The following GNG4 variants were observed in gnomAD, a reference collection of about 807,000 sequenced individuals.
GNG4 encodes the protein guanine nucleotide-binding protein G(I)/G(S)/G(O) subunit gamma-4.
GNG4 carries 4 observed loss-of-function variants against 5.8 expected under a neutral mutation model. The observed-to-expected ratio is 0.69, with a 90% CI of 0.34 to 1.57. GNG4 has a LOEUF of 1.57. Among genes scored for constraint, GNG4 ranks in the 40% most tolerant of loss-of-function variants. The probability of loss-of-function intolerance (pLI) is 0.06; values close to 1 mark genes in which losing one functional copy is unlikely to be tolerated. For synonymous variants in GNG4, 29 were observed against 32.9 expected (o/e 0.88, Z 0.41); for missense variants, 96 against 95.1 (o/e 1.01, Z -0.04).
chr1:235,637,195 G>A (rs1432687609), intron 1 of GNG4, among the ~76,000 whole-genome samples: 10 of 152,150 alleles, frequency 6.6e-5, no homozygotes, highest in Admixed American at 2.6e-4. Context: ...AGCACAGCCT[G>A]CAAAATACTT....
intron 3 of GNG4, among the ~76,000 whole-genome samples, chr1:235,561,256 A>G (rs143478348): frequency 0.019 from 2,852 of 152,010 alleles, 91 homozygotes; most frequent in African/African-American, 0.066. Context: ...TGATCCGCCC[A>G]CCTCGGCCTC....
intron 1 of GNG4, among the ~76,000 whole-genome samples, chr1:235,639,064 C>T (rs1039278969): frequency 2.0e-5 from 3 of 152,208 alleles, no homozygotes; most frequent in Non-Finnish European, 4.4e-5. Flanking sequence ...CCAGCAGCAT[C>T]CCCCACCTTC....
chr1:235,645,672 C>G (rs1252498460), intron 1 of GNG4, among the ~76,000 whole-genome samples: 1 of 151,946 alleles, frequency 6.6e-6, no homozygotes, highest in Non-Finnish European at 1.5e-5. Context: ...TGGCACATGC[C>G]TGTAATCCCA....
At chr1:235,615,436 C>A in intron 1 of GNG4, 1 of 155,098 alleles carries the variant, frequency 6.4e-6, no homozygotes, top group South Asian at 1.8e-4. Context: ...ATGTGACTGT[C>A]ATCTCCCTCT....
chr1:235,594,926 C>G (rs1261032254), intron 2 of GNG4, among the ~76,000 whole-genome samples: 1 of 152,204 alleles, frequency 6.6e-6, no homozygotes, highest in Non-Finnish European at 1.5e-5. Context: ...GTGAGGGTTG[C>G]CAGCACGCTG....
rs114416361 is a variant in GNG4, at chr1:235,606,578, G to A, written c.-122-11067C>T. 3.1e-3 allele frequency among the ~76,000 whole-genome samples: 478 copies of A among 152,178 alleles called. 3 individuals carry two copies. Among genetic ancestry groups the A allele is most frequent in the African/African-American group, 0.011 (451 of 41,502 alleles). On this transcript the variant is annotated intron_variant, in intron 1 of 3. Transcript: ENST00000391854. ...CAGGGAGATGGTGCTGTGCTGTTCC[G>A]CACGCTTAGGAAAAGAGCAAGTGGA... is the stretch of plus-strand genomic sequence containing the variant.
At chr1:235,622,971 C>G (rs1342483115) in intron 1 of GNG4, among the ~76,000 whole-genome samples, 2 of 151,460 alleles carry the variant, frequency 1.3e-5, no homozygotes, top group Non-Finnish European at 2.9e-5. Context: ...ACCCGGGAAG[C>G]AGAGGTTGCA....
In GNG4 at chr1:235,560,205, T is replaced by C. The variant is rs150645207; in HGVS notation, c.100-7968A>G. 8.6e-4 allele frequency among the ~76,000 whole-genome samples: 131 copies of C among 152,306 alleles called. 2 individuals carry two copies. Among genetic ancestry groups the C allele is most frequent in the African/African-American group, 2.6e-3 (108 of 41,572 alleles). ...GTGGCTAAATGGATGCCATCATATA[T>C]TGCCGTGGTTTGAAAGTGCTGTCTC... On this transcript the variant is annotated intron_variant, in intron 3 of 3. Coordinates refer to ENST00000391854, the MANE Select transcript of GNG4 (RefSeq NM_001098722.2).
rs1175806749 is a variant in GNG4, at chr1:235,642,532, G to C, written c.-123+7130C>G. Among the ~76,000 whole-genome samples, 4 of 151,946 alleles carry C rather than the reference G, an allele frequency of 2.6e-5. No individual in the cohort carries two copies. Among genetic ancestry groups the C allele is most frequent in the Non-Finnish European group, 5.9e-5 (4 of 67,980 alleles). ...GGCAGGATGCAACTGCTTCAACGCA[G>C]AAAGAATGAGTCATCCAGGAAGGCG... On this transcript the variant is annotated intron_variant, in intron 1 of 3. Transcript: ENST00000391854. The surrounding 1 kb of genome is among the most constrained non-coding windows in gnomAD (Gnocchi z 4.3).
At chr1:235,588,687 A>C (rs1558487194) in intron 2 of GNG4, among the ~76,000 whole-genome samples, 1 of 150,250 alleles carries the variant, frequency 6.7e-6, no homozygotes, top group South Asian at 2.1e-4. Flanking sequence ...CCTTGCCCCA[A>C]ATCATCTCCC....
chr1:235,609,764 G>A (rs746332239), intron 1 of GNG4, among the ~76,000 whole-genome samples: 2 of 151,932 alleles, frequency 1.3e-5, no homozygotes, highest in African/African-American at 2.4e-5. Context: ...AAAATTAGCC[G>A]GGTGTGGTGG....
chr1:235,646,730 C>G (rs1657520986), intron 1 of GNG4, among the ~76,000 whole-genome samples: 1 of 152,216 alleles, frequency 6.6e-6, no homozygotes, highest in African/African-American at 2.4e-5. Context: ...ACTCTGTCTA[C>G]CAATTTCCAG....
chr1:235,575,020 T>C (rs2102932912), intron 3 of GNG4, among the ~76,000 whole-genome samples: 1 of 152,270 alleles, frequency 6.6e-6, no homozygotes, highest in South Asian at 2.1e-4. Context: ...AGATGGGATT[T>C]CACCACGTTG....
chr1:235,563,253 T>C (rs1230225929), intron 3 of GNG4, among the ~76,000 whole-genome samples: 2 of 151,834 alleles, frequency 1.3e-5, no homozygotes, highest in African/African-American at 4.8e-5. Flanking sequence ...TGAAACCCCA[T>C]CTCTACTAAA....
intron 1 of GNG4, among the ~76,000 whole-genome samples, chr1:235,603,627 G>T (rs1023597453): frequency 6.6e-6 from 1 of 152,150 alleles, no homozygotes; most frequent in Non-Finnish European, 1.5e-5. Flanking sequence ...TTACAGTATG[G>T]GTCTCAATTA....
rs533853180 is a variant in GNG4 at position 235,600,100 on chromosome 1, C to CTTTTTTTTTTTTTT, written c.-122-4603_-122-4590dup. On this transcript the variant is annotated intron_variant, in intron 1 of 3. Coordinates refer to ENST00000391854, the MANE Select transcript of GNG4 (RefSeq NM_001098722.2). ...TCCTTTATCTGGTTGCGGAAGAAAG[C>CTTTTTTTTTTTTTT]TTTTTTTTTTTTTTTTTTTTTTTTT... Among the ~76,000 whole-genome samples, 19 of 43,138 alleles carry CTTTTTTTTTTTTTT rather than the reference C, an allele frequency of 4.4e-4. 5 individuals are homozygous for CTTTTTTTTTTTTTT. The highest frequency in any genetic ancestry group is 6.2e-4 in the Non-Finnish European group (15 of 24,362). 28.3% of individuals were successfully genotyped at this position (43,138 alleles called of 152,430 possible).
At chr1:235,637,148 C>T (rs992799978) in intron 1 of GNG4, among the ~76,000 whole-genome samples, 1 of 151,948 alleles carries the variant, frequency 6.6e-6, no homozygotes, top group Non-Finnish European at 1.5e-5. Flanking sequence ...CTGAAAAATG[C>T]TAATCAAATG....
Position 235,649,351 on chromosome 1 carries a change from C to T in GNG4, c.-123+311G>A, listed in dbSNP as rs1238909988. On this transcript the variant is annotated intron_variant, in intron 1 of 3. Coordinates refer to ENST00000391854, the MANE Select transcript of GNG4 (RefSeq NM_001098722.2). The surrounding 1 kb of genome is among the most constrained non-coding windows in gnomAD (Gnocchi z 5.7). ...AATGGAAGAGGGGACCCCCGAGCCC[C>T]CGCCTGCCTCATGCCGGAGGGACCG... Among the ~76,000 whole-genome samples the T allele has an allele frequency of 6.6e-6, 1 of 152,226 alleles. No individual in the cohort carries two copies. The highest frequency in any genetic ancestry group is 1.5e-5 in the Non-Finnish European group (1 of 68,030).
intron 2 of GNG4, among the ~76,000 whole-genome samples, chr1:235,587,582 G>T (rs978192634): frequency 1.0e-3 from 18 of 17,872 alleles, no homozygotes; most frequent in East Asian, 7.0e-3. Context: ...GTGGGGTGGC[G>T]GTGAGTGTGA....
Sources: allele counts gnomAD v4.1 joint callset (sites outside exome capture counted in the v4.1 genomes callset), GRCh38; gene constraint gnomAD v4.1.1; non-coding constraint Gnocchi (gnomAD v3.1); transcripts MANE v1.5; gene names NCBI Gene and HGNC (gene_info 2026-07-23, HGNC 2026-07-21).